Variants in ATP9B observed in about 807,000 individuals in gnomAD.
ATP9B encodes ATPase phospholipid transporting 9B.
A neutral mutation model predicts 146.1 loss-of-function variants in ATP9B; 110 were observed. That is an observed-to-expected ratio of 0.75 (90% CI 0.65 to 0.88). ATP9B has a LOEUF of 0.88. ATP9B is among the 40% of genes least tolerant of loss of function. The probability of loss-of-function intolerance (pLI) is 0.00; values close to 1 mark genes in which losing one functional copy is unlikely to be tolerated. For missense variants in ATP9B, 1,499 were observed against 1,496.4 expected, an observed-to-expected ratio of 1.00 and a Z score of -0.03; for synonymous variants, 604 against 569.7, an observed-to-expected ratio of 1.06 and a Z score of -0.86.
intron 1 of ATP9B, among the ~76,000 whole-genome samples, chr18:79,076,014 C>T (rs140756658): frequency 7.9e-4 from 120 of 152,212 alleles, no homozygotes; most frequent in African/African-American, 2.7e-3. Context: ...GGTATTTTAA[C>T]GGTTGTTGGG....
At chr18:79,372,283 CAG>C (rs1164041547) in intron 26 of ATP9B, 4 of 161,632 alleles carry the variant, frequency 2.5e-5, no homozygotes, top group African/African-American at 7.9e-5. Context: ...TTCAACTTCG[CAG>C]AGTGAAGGGC....
chr18:79,143,370 C>T (rs2094537560), intron 5 of ATP9B, among the ~76,000 whole-genome samples: 1 of 152,162 alleles, frequency 6.6e-6, no homozygotes, highest in Non-Finnish European at 1.5e-5. Flanking sequence ...GGTGATTTTA[C>T]ATATAATTTG....
chr18:79,099,787 A>G lies in ATP9B; in HGVS notation c.293+3138A>G, dbSNP rs545456796. On this transcript the variant is annotated intron_variant, in intron 2 of 29. Transcript: ENST00000426216. Reference sequence around the variant, plus strand: ...TGTTTTTTGCAGTTATTTTTTTGTAATTGATTTGTATCTGAATTTCATGAG... The same window carrying G: ...TGTTTTTTGCAGTTATTTTTTTGTAGTTGATTTGTATCTGAATTTCATGAG... Among the ~76,000 whole-genome samples, 342 of 151,458 alleles carry G rather than the reference A, an allele frequency of 2.3e-3. 1 individual carries two copies. The highest frequency in any genetic ancestry group is 7.8e-3 in the African/African-American group (321 of 41,352).
chr18:79,116,930 A>C (rs2094089546), intron 4 of ATP9B, among the ~76,000 whole-genome samples: 1 of 116,126 alleles, frequency 8.6e-6, no homozygotes, highest in Admixed American at 8.4e-5. Flanking sequence ...AATAAAAAAA[A>C]AAAAAAAATT....
chr18:79,134,886 A>C (rs1038235737), intron 5 of ATP9B, among the ~76,000 whole-genome samples: 10 of 152,210 alleles, frequency 6.6e-5, no homozygotes, highest in African/African-American at 2.4e-4. Flanking sequence ...AATCTTGGAA[A>C]GTCTACTCAT....
chr18:79,364,374 T>G (rs763607166), intron 26 of ATP9B: 1 of 152,204 alleles, frequency 6.6e-6, no homozygotes, highest in Admixed American at 6.5e-5. Context: ...AATGTGTTAT[T>G]GTCAAAAGGA....
At chr18:79,294,353 G>A (rs1027666467) in intron 13 of ATP9B, among the ~76,000 whole-genome samples, 3 of 152,216 alleles carry the variant, frequency 2.0e-5, no homozygotes, top group Non-Finnish European at 4.4e-5. Context: ...AGAGGAGGCG[G>A]CCAGACACCC....
intron 4 of ATP9B, 90 bp downstream of exon 4, chr18:79,113,444 G>C (rs2094008648): frequency 1.2e-6 from 1 of 841,750 alleles, no homozygotes; most frequent in Non-Finnish European, 1.9e-6. Flanking sequence ...AAATTGACCA[G>C]ATTTTTAAAA....
intron 13 of ATP9B, among the ~76,000 whole-genome samples, chr18:79,279,887 T>G (rs1317661540): frequency 1.3e-5 from 2 of 152,230 alleles, no homozygotes; most frequent in Non-Finnish European, 2.9e-5. Flanking sequence ...AAGTTAGCGT[T>G]AGCGCATCAC....
intron 9 of ATP9B, among the ~76,000 whole-genome samples, chr18:79,195,142 A>T (rs2095406792): frequency 6.6e-6 from 1 of 152,194 alleles, no homozygotes; most frequent in South Asian, 2.1e-4. Flanking sequence ...AAGACATAGA[A>T]CTTCATTGTG....
chr18:79,075,966 C>T (rs536819585), intron 1 of ATP9B, among the ~76,000 whole-genome samples: 1 of 152,140 alleles, frequency 6.6e-6, no homozygotes, highest in Non-Finnish European at 1.5e-5. Context: ...CTAGGAATTA[C>T]ATTACATATA....
At chr18:79,206,650 A>G (rs2095536714) in intron 9 of ATP9B, among the ~76,000 whole-genome samples, 1 of 151,798 alleles carries the variant, frequency 6.6e-6, no homozygotes, top group Admixed American at 6.6e-5. Context: ...ATAAATAAAT[A>G]AATAAATAAA....
chr18:79,323,265 G>A (rs541316549), intron 15 of ATP9B, among the ~76,000 whole-genome samples: 2 of 151,932 alleles, frequency 1.3e-5, no homozygotes, highest in Non-Finnish European at 2.9e-5. Flanking sequence ...GTAATCCTCT[G>A]TTTATCGTTG....
chr18:79,279,388 A>G (rs1157813855), intron 13 of ATP9B, among the ~76,000 whole-genome samples: 1 of 152,230 alleles, frequency 6.6e-6, no homozygotes, highest in Non-Finnish European at 1.5e-5. Context: ...CTTTACAAAC[A>G]ACTTAGTCTT....
intron 12 of ATP9B, among the ~76,000 whole-genome samples, chr18:79,274,237 C>G (rs900658701): frequency 6.6e-6 from 1 of 152,056 alleles, no homozygotes; most frequent in Middle Eastern, 3.2e-3. Flanking sequence ...TTTTAAAATT[C>G]TATAAAATTA....
Position 79,212,180 on chromosome 18 carries a change from T to TA in ATP9B, c.1031-1781dup, listed in dbSNP as rs2095590353. The stretch of plus-strand genomic sequence containing the variant: ...CAAATATTTCTGCACTGATTCTAGT[T>TA]ACGTTAGATATTAAAAAGCATGACA... On this transcript the variant is annotated intron_variant, in intron 10 of 29. Coordinates refer to ENST00000426216, the MANE Select transcript of ATP9B (RefSeq NM_198531.5). Among the ~76,000 whole-genome samples the TA allele has an allele frequency of 2.0e-5, 3 of 152,320 alleles. No individual in the cohort carries two copies. In the South Asian group the frequency reaches 6.2e-4, roughly 32 times the overall value.
At chr18:79,164,287 G>A (rs1178561170) in intron 7 of ATP9B, among the ~76,000 whole-genome samples, 3 of 152,078 alleles carry the variant, frequency 2.0e-5, no homozygotes, top group Non-Finnish European at 4.4e-5. Flanking sequence ...AATTGATAAC[G>A]CCAATAACTG....
At chr18:79,108,346 A>G (rs758397226) in intron 2 of ATP9B, among the ~76,000 whole-genome samples, 1 of 152,242 alleles carries the variant, frequency 6.6e-6, no homozygotes, top group Non-Finnish European at 1.5e-5. Context: ...AAATATTATC[A>G]GCATTTTATT....
chr18:79,325,109 C>T (rs1420043592), intron 15 of ATP9B, among the ~76,000 whole-genome samples: 1 of 152,156 alleles, frequency 6.6e-6, no homozygotes, highest in Non-Finnish European at 1.5e-5. Flanking sequence ...GGAGGGACCC[C>T]AGATGCCGGA....
Sources: gnomAD v4.1 joint callset for allele counts (sites outside exome capture counted in the v4.1 genomes callset) on GRCh38, gnomAD v4.1.1 for gene constraint, MANE v1.5 for transcripts, NCBI Gene and HGNC (gene_info 2026-07-23, HGNC 2026-07-21) for gene names.